The following DCAF8L2 variants were observed in gnomAD, a reference collection of about 807,000 sequenced individuals.
The protein encoded by DCAF8L2 is DDB1- and CUL4-associated factor 8-like protein 2.
For synonymous variants in DCAF8L2, 200 were observed against 190.9 expected (o/e 1.05, Z -0.39); for missense variants, 430 against 490.7 (o/e 0.88, Z 1.17).
chrX:27,714,344 A>G (rs1180671195), intron 3 of DCAF8L2, among the ~76,000 whole-genome samples: 1 of 111,504 alleles, frequency 9.0e-6, no homozygotes, highest in Non-Finnish European at 1.9e-5. Flanking sequence ...ATTTTACCAA[A>G]CCAGATTCTA....
At chrX:27,558,647 T>C in the DCAF8L2 span, among the ~76,000 whole-genome samples, 51 of 110,134 alleles carry the variant, frequency 4.6e-4, no homozygotes, top group African/African-American at 1.6e-3. Context: ...TTAGGGTACA[T>C]GTACACAATG....
chrX:27,620,030 T>TA (rs1444331924), intron 1 of DCAF8L2, among the ~76,000 whole-genome samples: 1 of 111,580 alleles, frequency 9.0e-6, no homozygotes, highest in Non-Finnish European at 1.9e-5. Flanking sequence ...ATTTTAAAGT[T>TA]ACAAAAATTA....
chrX:27,716,032 C>T (rs969045021), intron 3 of DCAF8L2, 56 bp from the exon 4 acceptor site: 2 of 112,152 alleles, frequency 1.8e-5, no homozygotes, highest in African/African-American at 6.5e-5. Context: ...TGTTTATTAT[C>T]CTTATTAAGA....
At position 27,592,902 on chromosome X, in the gene DCAF8L2, G is replaced by A. The variant is rs775639398; in HGVS notation, c.-342+2462G>A. ...CAACCTCCACTTCCCAGGTTCAAGC[G>A]ATTCTCCCACCTCAGCCTCTCAAGT... On this transcript the variant is annotated intron_variant, in intron 1 of 4. Coordinates refer to ENST00000451261, the MANE Select transcript of DCAF8L2 (RefSeq NM_001353450.2). 2.1e-3 allele frequency among the ~76,000 whole-genome samples: 234 copies of A among 108,954 alleles called. 1 individual carries two copies. The highest frequency in any genetic ancestry group is 7.3e-3 in the African/African-American group (218 of 29,762). 94.6% of individuals were successfully genotyped at this position (108,954 alleles called of 115,157 possible).
intron 4 of DCAF8L2, among the ~76,000 whole-genome samples, chrX:27,741,420 C>T (rs1299055456): frequency 5.6e-5 from 6 of 106,304 alleles, no homozygotes; most frequent in Non-Finnish European, 1.2e-4. Flanking sequence ...CCCCCACCCC[C>T]ATGCCCCAGC....
At chrX:27,629,123 C>G (rs886645801) in intron 1 of DCAF8L2, among the ~76,000 whole-genome samples, 3 of 111,351 alleles carry the variant, frequency 2.7e-5, no homozygotes, top group African/African-American at 9.8e-5. Flanking sequence ...GATATTAATC[C>G]CTTGTCAGAT....
At chrX:27,511,182 T>A in the DCAF8L2 span, among the ~76,000 whole-genome samples, 1 of 111,373 alleles carries the variant, frequency 9.0e-6, no homozygotes, top group Non-Finnish European at 1.9e-5. Flanking sequence ...CATTTTACAT[T>A]AAAAATAAAG....
chrX:27,636,691 A>G (rs767920996), intron 2 of DCAF8L2, among the ~76,000 whole-genome samples: 5 of 111,681 alleles, frequency 4.5e-5, no homozygotes, highest in Non-Finnish European at 9.4e-5. Flanking sequence ...CTGGAAGAAT[A>G]TTACTAGTAG....
chrX:27,614,989 C>G (rs1927388856), intron 1 of DCAF8L2, among the ~76,000 whole-genome samples: 1 of 111,005 alleles, frequency 9.0e-6, no homozygotes, highest in Non-Finnish European at 1.9e-5. Context: ...GAGTTAGTCC[C>G]AGAGCAAAGA....
chrX:27,586,312 G>GTATA (rs201885838), upstream of DCAF8L2, among the ~76,000 whole-genome samples: 3 of 110,440 alleles, frequency 2.7e-5, no homozygotes, highest in African/African-American at 9.9e-5. Flanking sequence ...TGGGTCATAG[G>GTATA]TATATATATA....
chrX:27,683,826 G>A, intron 3 of DCAF8L2, among the ~76,000 whole-genome samples: 1 of 111,870 alleles, frequency 8.9e-6, no homozygotes, highest in Non-Finnish European at 1.9e-5. Flanking sequence ...CAGGAGGATC[G>A]TGCTGAAGCT....
At chrX:27,477,897 T>G in the DCAF8L2 span, among the ~76,000 whole-genome samples, 1 of 110,883 alleles carries the variant, frequency 9.0e-6, no homozygotes, top group African/African-American at 3.3e-5. Context: ...TATCTTTCCG[T>G]TTTTTTTAGA....
chrX:27,721,086 G>A (rs1416282734), intron 4 of DCAF8L2, among the ~76,000 whole-genome samples: 1 of 111,490 alleles, frequency 9.0e-6, no homozygotes, highest in South Asian at 3.7e-4. Context: ...AGATTTTAAA[G>A]GGTTTTCCAC....
At chrX:27,524,089 G>A in the DCAF8L2 span, among the ~76,000 whole-genome samples, 3 of 111,642 alleles carry the variant, frequency 2.7e-5, no homozygotes, top group African/African-American at 9.8e-5. Flanking sequence ...GATTGGAATA[G>A]TTTCAGAAGG....
At chrX:27,606,358 A>AATAAATATATATATAT (rs1926896263) in intron 1 of DCAF8L2, among the ~76,000 whole-genome samples, 1 of 39,783 alleles carries the variant, frequency 2.5e-5, no homozygotes, top group Admixed American at 2.9e-4. Flanking sequence ...TATATCTAGG[A>AATAAATATATATATAT]ATATATATAT....
chrX:27,675,333 G>A (rs7062147), intron 2 of DCAF8L2, among the ~76,000 whole-genome samples: 10,456 of 110,800 alleles, frequency 0.094, 1,190 homozygotes, highest in African/African-American at 0.33. Flanking sequence ...ACTGAAGTAC[G>A]GAGCAAAAAT....
chrX:27,720,563 C>T (rs1476195335), intron 4 of DCAF8L2, among the ~76,000 whole-genome samples: 2 of 110,503 alleles, frequency 1.8e-5, no homozygotes, highest in Non-Finnish European at 3.8e-5. Flanking sequence ...TTAGTAGAGA[C>T]GGGGTTTCAC....
the DCAF8L2 span, among the ~76,000 whole-genome samples, chrX:27,571,173 C>A: frequency 0.032 from 3,627 of 111,787 alleles, 154 homozygotes; most frequent in African/African-American, 0.11. Context: ...ATAGCCTAGA[C>A]TCCTTTATTT....
rs1439401365 is a variant in DCAF8L2 at position 27,606,340 on chromosome X, AT to A, written c.-342+15902del. ...ATAGGAATTATATATATATATAGGA[AT>A]TATATATATATCTAGGAATATATAT... On this transcript the variant is annotated intron_variant, in intron 1 of 4. Transcript: ENST00000451261. Among the ~76,000 whole-genome samples, 186 of 40,288 alleles carry A rather than the reference AT, an allele frequency of 4.6e-3. 1 individual carries two copies. The highest frequency in any genetic ancestry group is 0.015 in the Middle Eastern group (1 of 65). The allele number at this position is 40,288 out of a possible 115,157, so 35.0% of individuals were successfully genotyped here. A position where few individuals can be genotyped will look rare whatever the true frequency, so the allele number is the denominator to read the frequency against.
Sources: allele counts gnomAD v4.1 joint callset (sites outside exome capture counted in the v4.1 genomes callset), GRCh38; gene constraint gnomAD v4.1.1; transcripts MANE v1.5; gene names NCBI Gene and HGNC (gene_info 2026-07-23, HGNC 2026-07-21).